The following SLC35F3 variants were observed in gnomAD, a reference collection of about 807,000 sequenced individuals.
SLC35F3 encodes the protein putative thiamine transporter SLC35F3.
A neutral mutation model predicts 49.9 loss-of-function variants in SLC35F3; 25 were observed. The ratio of observed to expected loss-of-function variants is 0.50; its 90% CI spans 0.37 to 0.70. The LOEUF is 0.70. Among genes scored for constraint, SLC35F3 ranks in the 30% least tolerant of loss-of-function variants. The pLI, the probability that SLC35F3 is intolerant of heterozygous loss-of-function variation, is 0.00. For missense variants in SLC35F3, 525 were observed against 639.8 expected (o/e 0.82, Z 1.94); for synonymous variants, 275 against 265.4 (o/e 1.04, Z -0.35).
At chr1:234,284,456 G>A (rs1668378912) in intron 3 of SLC35F3, among the ~76,000 whole-genome samples, 1 of 152,120 alleles carries the variant, frequency 6.6e-6, no homozygotes, top group African/African-American at 2.4e-5. Context: ...TCATCTCCCT[G>A]TGTGAGTGGT....
chr1:234,049,409 T>TGC (rs532273742), intron 2 of SLC35F3, among the ~76,000 whole-genome samples: 273 of 152,144 alleles, frequency 1.8e-3, no homozygotes, highest in African/African-American at 6.2e-3. Context: ...TGTGTGTGTG[T>TGC]GCACATTGGA....
At chr1:234,146,608 G>A (rs1023807001) in intron 2 of SLC35F3, among the ~76,000 whole-genome samples, 19 of 148,034 alleles carry the variant, frequency 1.3e-4, no homozygotes, top group African/African-American at 4.0e-4. Context: ...TCCACCTCCC[G>A]GGTTCAAGTG....
intron 2 of SLC35F3, among the ~76,000 whole-genome samples, chr1:234,227,137 C>T (rs912587612): frequency 3.3e-5 from 5 of 152,148 alleles, no homozygotes; most frequent in East Asian, 3.9e-4. Flanking sequence ...TCTGTCAGCA[C>T]GAGCATTGGG....
chr1:233,986,314 T>C (rs1558197459), intron 2 of SLC35F3, among the ~76,000 whole-genome samples: 1 of 152,202 alleles, frequency 6.6e-6, no homozygotes, highest in Non-Finnish European at 1.5e-5. Flanking sequence ...CCACCCCAAG[T>C]TCCCACTTAT....
At chr1:233,965,267 G>T (rs551044687) in intron 2 of SLC35F3, among the ~76,000 whole-genome samples, 1 of 152,160 alleles carries the variant, frequency 6.6e-6, no homozygotes, top group South Asian at 2.1e-4. Flanking sequence ...CTTTGGTACC[G>T]TTACTTGCAC....
intron 2 of SLC35F3, among the ~76,000 whole-genome samples, chr1:234,068,615 A>G (rs548557321): frequency 1.3e-5 from 2 of 151,824 alleles, no homozygotes; most frequent in Non-Finnish European, 2.9e-5. Flanking sequence ...AACAAAGTAC[A>G]GTAGGAGCAG....
At chr1:234,236,521 A>G (rs1474943791) in intron 3 of SLC35F3, among the ~76,000 whole-genome samples, 3 of 152,178 alleles carry the variant, frequency 2.0e-5, no homozygotes, top group Non-Finnish European at 2.9e-5. Context: ...GGAGAAGGTC[A>G]AGAACATTCT....
chr1:234,104,418 A>C (rs987577705), intron 2 of SLC35F3, among the ~76,000 whole-genome samples: 12 of 152,192 alleles, frequency 7.9e-5, no homozygotes, highest in Non-Finnish European at 1.3e-4. Context: ...AATGTCTAGA[A>C]GTTCAGAGAC....
intron 3 of SLC35F3, among the ~76,000 whole-genome samples, chr1:234,278,766 C>T (rs1229762451): frequency 1.3e-5 from 2 of 151,452 alleles, no homozygotes; most frequent in African/African-American, 4.9e-5. Flanking sequence ...TTGTTGTACC[C>T]TTATGAGGCA....
chr1:233,930,340 C>T (rs12072260), intron 2 of SLC35F3, among the ~76,000 whole-genome samples: 42 of 152,182 alleles, frequency 2.8e-4, no homozygotes, highest in African/African-American at 9.4e-4. Flanking sequence ...GCAACATGAG[C>T]TCCCTTTAAT....
chr1:233,991,774 AGTT>A (rs1663358697), intron 2 of SLC35F3, among the ~76,000 whole-genome samples: 1 of 152,154 alleles, frequency 6.6e-6, no homozygotes. Context: ...TAGAGGACTA[AGTT>A]TTGCCTCCAG....
Position 233,971,988 on chromosome 1 carries a change from G to A in SLC35F3, c.283+66230G>A, listed in dbSNP as rs141179307. Reference sequence around the variant, plus strand: ...CAATGCCTCAACCTGTGCCAGTGCCGTGTGTGTGTCAGGGACCCTGGAGGT... The same window carrying A: ...CAATGCCTCAACCTGTGCCAGTGCCATGTGTGTGTCAGGGACCCTGGAGGT... On this transcript the variant is annotated intron_variant, in intron 2 of 7. Transcript: ENST00000366618. 9.4e-3 allele frequency among the ~76,000 whole-genome samples: 1,434 copies of A among 152,344 alleles called. 6 individuals carry two copies. The highest frequency in any genetic ancestry group is 0.018 in the Admixed American group (271 of 15,300).
intron 2 of SLC35F3, among the ~76,000 whole-genome samples, chr1:234,164,373 T>A (rs1666280724): frequency 7.0e-6 from 1 of 142,324 alleles, no homozygotes; most frequent in African/African-American, 2.6e-5. Context: ...TTCCCCTCTC[T>A]CCTCAACTTC....
At chr1:233,984,822 ATATGT>A (rs937756583) in intron 2 of SLC35F3, among the ~76,000 whole-genome samples, 8 of 152,182 alleles carry the variant, frequency 5.3e-5, no homozygotes, top group South Asian at 4.1e-4. Context: ...ACCCAGGGAC[ATATGT>A]TAAGATGTTA....
At chr1:234,195,920 T>C (rs984765063) in intron 2 of SLC35F3, among the ~76,000 whole-genome samples, 3 of 152,168 alleles carry the variant, frequency 2.0e-5, no homozygotes, top group Non-Finnish European at 4.4e-5. Context: ...ATGTAAGACA[T>C]GCCTTTCGCC....
intron 2 of SLC35F3, among the ~76,000 whole-genome samples, chr1:234,096,070 T>C (rs977430767): frequency 2.0e-5 from 3 of 152,244 alleles, no homozygotes; most frequent in Admixed American, 6.5e-5. Context: ...ACTGTGCTTA[T>C]GTTTATCAAA....
At chr1:234,216,882 A>G (rs1436151539) in intron 2 of SLC35F3, among the ~76,000 whole-genome samples, 5 of 152,212 alleles carry the variant, frequency 3.3e-5, no homozygotes, top group African/African-American at 1.2e-4. Context: ...CAAGTATCCC[A>G]TGCAAAATTC....
At chr1:234,114,018 G>A (rs1219342709) in intron 2 of SLC35F3, among the ~76,000 whole-genome samples, 4 of 152,220 alleles carry the variant, frequency 2.6e-5, no homozygotes, top group Admixed American at 2.0e-4. Context: ...TGGGGCAAGA[G>A]GGACCCTGAT....
intron 2 of SLC35F3, among the ~76,000 whole-genome samples, chr1:234,144,403 T>C (rs1318910581): frequency 2.6e-5 from 4 of 152,174 alleles, no homozygotes; most frequent in Non-Finnish European, 5.9e-5. Flanking sequence ...AAAAGGTCCT[T>C]CATGACTTCT....
Sources: gnomAD v4.1 joint callset for allele counts (sites outside exome capture counted in the v4.1 genomes callset) on GRCh38, gnomAD v4.1.1 for gene constraint, MANE v1.5 for transcripts, NCBI Gene and HGNC (gene_info 2026-07-23, HGNC 2026-07-21) for gene names.